The following VEGFC variants were observed in gnomAD, a reference collection of about 807,000 sequenced individuals.
VEGFC encodes vascular endothelial growth factor C.
Under a neutral mutation model 46.1 loss-of-function variants are expected in VEGFC, and 12 were observed. The ratio of observed to expected loss-of-function variants is 0.26; its 90% CI spans 0.17 to 0.42. The LOEUF (loss-of-function observed/expected upper bound fraction) is 0.42. Ranked by LOEUF, VEGFC falls within the 10% of genes least tolerant of loss-of-function variation. The pLI is 1.00. For synonymous variants in VEGFC, 232 were observed against 195.5 expected, an observed-to-expected ratio of 1.19 and a Z score of -1.56; for missense variants, 488 against 529.4, an observed-to-expected ratio of 0.92 and a Z score of 0.77.
At chr4:176,732,560 A>C (rs1305572088) in intron 1 of VEGFC, among the ~76,000 whole-genome samples, 1 of 151,916 alleles carries the variant, frequency 6.6e-6, no homozygotes, top group Non-Finnish European at 1.5e-5. Context: ...ATGACTCATT[A>C]GTTTTTGAGA....
chr4:176,717,410 A>G (rs553513), intron 3 of VEGFC, among the ~76,000 whole-genome samples: 12,997 of 152,176 alleles, frequency 0.085, 1,137 homozygotes, highest in African/African-American at 0.2. Context: ...TTAATAGTCA[A>G]TTCTCACCAA....
intron 3 of VEGFC, among the ~76,000 whole-genome samples, chr4:176,725,741 C>T (rs1185790479): frequency 6.6e-6 from 1 of 151,930 alleles, no homozygotes; most frequent in Non-Finnish European, 1.5e-5. Flanking sequence ...CTAAATCATC[C>T]ATATTTATTT....
chr4:176,741,884 T>C (rs192478322), intron 1 of VEGFC, among the ~76,000 whole-genome samples: 218 of 152,106 alleles, frequency 1.4e-3, no homozygotes, highest in Non-Finnish European at 2.5e-3. Context: ...TCCTTCTTCA[T>C]GTATTTAAGC....
chr4:176,690,302 A>G (rs1734130589), intron 4 of VEGFC, among the ~76,000 whole-genome samples: 1 of 151,440 alleles, frequency 6.6e-6, no homozygotes, highest in Non-Finnish European at 1.5e-5. Context: ...GTACAGTCAG[A>G]GAAGTTCTGT....
chr4:176,774,221 G>T (rs1487350347), intron 1 of VEGFC, among the ~76,000 whole-genome samples: 1 of 151,822 alleles, frequency 6.6e-6, no homozygotes, highest in Non-Finnish European at 1.5e-5. Flanking sequence ...TATGCTATAG[G>T]ACTACTTAAT....
At position 176,743,398 on chromosome 4, in the gene VEGFC, C is replaced by A. The variant is rs577855809; in HGVS notation, c.148-13652G>T. ...GAAATAATGTCCAATAAAAATTGTA[C>A]AATAGAATCATAAAGTAAGCATAAA... On this transcript the variant is annotated intron_variant, in intron 1 of 6. Transcript: ENST00000618562. Among the ~76,000 whole-genome samples the A allele has an allele frequency of 2.6e-5, 4 of 151,728 alleles. No homozygotes were observed. In the East Asian group the frequency reaches 7.8e-4, roughly 29 times the overall value.
At chr4:176,781,865 T>C (rs928916047) in intron 1 of VEGFC, among the ~76,000 whole-genome samples, 3 of 152,204 alleles carry the variant, frequency 2.0e-5, no homozygotes, top group African/African-American at 7.2e-5. Flanking sequence ...GCGTTAAACT[T>C]TGAACACTGC....
At chr4:176,703,778 A>G (rs1734476359) in intron 4 of VEGFC, among the ~76,000 whole-genome samples, 1 of 152,092 alleles carries the variant, frequency 6.6e-6, no homozygotes, top group South Asian at 2.1e-4. Context: ...AAACAATAAA[A>G]ATGCAGTCAT....
intron 4 of VEGFC, among the ~76,000 whole-genome samples, chr4:176,689,911 T>C (rs1426880951): frequency 1.3e-5 from 2 of 152,242 alleles, no homozygotes; most frequent in Non-Finnish European, 2.9e-5. Flanking sequence ...TCTACAGGCA[T>C]TATTAGGTAT....
Position 176,732,706 on chromosome 4 carries a change from G to GA in VEGFC, c.148-2961dup, listed in dbSNP as rs1214802852. On this transcript the variant is annotated intron_variant, in intron 1 of 6. Coordinates refer to ENST00000618562, the MANE Select transcript of VEGFC (RefSeq NM_005429.5). ...AGAGAAGAAAGAAAACACATTCATT[G>GA]AAAAAAAAAAACTCTTCAGAGAGCT... is the stretch of plus-strand genomic sequence containing the variant. Among the ~76,000 whole-genome samples the GA allele has an allele frequency of 4.5e-3, 638 of 140,830 alleles. 2 individuals are homozygous for GA. The highest frequency in any genetic ancestry group is 7.3e-3 in the Admixed American group (103 of 14,102). 92.4% of individuals were successfully genotyped at this position (140,830 alleles called of 152,430 possible). A position where few individuals can be genotyped will look rare whatever the true frequency, so the allele number is the denominator to read the frequency against.
At chr4:176,747,950 T>G (rs1159983444) in intron 1 of VEGFC, among the ~76,000 whole-genome samples, 2 of 151,752 alleles carry the variant, frequency 1.3e-5, no homozygotes, top group Admixed American at 6.6e-5. Context: ...TTTAAAAATA[T>G]TATTTAAAAT....
chr4:176,696,695 G>C (rs1426258009), intron 4 of VEGFC, among the ~76,000 whole-genome samples: 4 of 151,932 alleles, frequency 2.6e-5, no homozygotes, highest in Non-Finnish European at 4.4e-5. Flanking sequence ...TAAGCCAAAA[G>C]AACAAAGCTG....
At chr4:176,791,445 C>T (rs1420743837) in intron 1 of VEGFC, among the ~76,000 whole-genome samples, 1 of 152,038 alleles carries the variant, frequency 6.6e-6, no homozygotes, top group Non-Finnish European at 1.5e-5. Flanking sequence ...GGATTAAACA[C>T]CTCTTATTTA....
intron 3 of VEGFC, among the ~76,000 whole-genome samples, chr4:176,712,532 A>C (rs556985878): frequency 6.6e-6 from 1 of 152,346 alleles, no homozygotes; most frequent in South Asian, 2.1e-4. Flanking sequence ...AAAAATGGTA[A>C]AAGTGAAATC....
intron 4 of VEGFC, among the ~76,000 whole-genome samples, chr4:176,709,781 G>A (rs1734590677): frequency 6.6e-6 from 1 of 152,252 alleles, no homozygotes; most frequent in Non-Finnish European, 1.5e-5. Flanking sequence ...TGAATGAAAC[G>A]ATGCCTTTTA....
intron 4 of VEGFC, among the ~76,000 whole-genome samples, chr4:176,702,930 A>C (rs1734459489): frequency 6.6e-6 from 1 of 152,186 alleles, no homozygotes; most frequent in African/African-American, 2.4e-5. Context: ...TGTAAAACAT[A>C]ATGTCAAGAG....
At chr4:176,752,240 T>C (rs1331764002) in intron 1 of VEGFC, among the ~76,000 whole-genome samples, 1 of 151,976 alleles carries the variant, frequency 6.6e-6, no homozygotes, top group African/African-American at 2.4e-5. Context: ...AAGTGGAAAA[T>C]GGCAGACAGG....
chr4:176,692,797 T>A (rs59660429), intron 4 of VEGFC, among the ~76,000 whole-genome samples: 4 of 140,218 alleles, frequency 2.9e-5, no homozygotes, highest in Non-Finnish European at 6.2e-5. Context: ...GGCAGACTGC[T>A]TCCTCAAGTG....
chr4:176,784,744 CAG>C (rs1351989838), intron 1 of VEGFC, among the ~76,000 whole-genome samples: 1 of 91,598 alleles, frequency 1.1e-5, no homozygotes, highest in African/African-American at 4.1e-5. Flanking sequence ...GCTACAGAGC[CAG>C]AGTCTGTCTC....
Sources: allele counts gnomAD v4.1 joint callset (sites outside exome capture counted in the v4.1 genomes callset), GRCh38; gene constraint gnomAD v4.1.1; transcripts MANE v1.5; gene names NCBI Gene and HGNC (gene_info 2026-07-23, HGNC 2026-07-21).